Variants in MCTP1 observed in about 807,000 individuals in gnomAD.
MCTP1 encodes the protein multiple C2 and transmembrane domain-containing protein 1.
Under a neutral mutation model 120.6 loss-of-function variants are expected in MCTP1, and 69 were observed. The ratio of observed to expected loss-of-function variants is 0.57; its 90% CI spans 0.47 to 0.70. MCTP1 has a LOEUF of 0.70. Ranked by LOEUF, MCTP1 falls within the 30% of genes least tolerant of loss-of-function variation. The pLI, the probability that MCTP1 is intolerant of heterozygous loss-of-function variation, is 0.00. For missense variants in MCTP1, 1,203 were observed against 1,248.8 expected, an observed-to-expected ratio of 0.96 and a Z score of 0.55; for synonymous variants, 529 against 493.1, an observed-to-expected ratio of 1.07 and a Z score of -0.96.
chr5:94,974,228 T>C (rs577091360), intron 2 of MCTP1, among the ~76,000 whole-genome samples: 3 of 152,280 alleles, frequency 2.0e-5, no homozygotes, highest in Admixed American at 6.5e-5. Context: ...CAGTTACTAA[T>C]TATCTATTTT....
At chr5:95,038,859 C>A (rs1283384473) in intron 1 of MCTP1, among the ~76,000 whole-genome samples, 3 of 152,218 alleles carry the variant, frequency 2.0e-5, no homozygotes, top group African/African-American at 7.2e-5. Context: ...TCTTCCAACA[C>A]CTTCGTAAAA....
At chr5:95,008,800 T>C (rs138573169) in intron 2 of MCTP1, among the ~76,000 whole-genome samples, 1 of 152,124 alleles carries the variant, frequency 6.6e-6, no homozygotes, top group Non-Finnish European at 1.5e-5. Context: ...CATACAAAGA[T>C]GGAGTCAGAG....
chr5:94,810,116 T>C (rs1783117285), intron 17 of MCTP1, among the ~76,000 whole-genome samples: 1 of 152,146 alleles, frequency 6.6e-6, no homozygotes, highest in African/African-American at 2.4e-5. Context: ...TTTAACAAAA[T>C]TGTTAGATTC....
At chr5:95,180,482 T>C (rs534111013) in intron 1 of MCTP1, among the ~76,000 whole-genome samples, 1 of 152,350 alleles carries the variant, frequency 6.6e-6, no homozygotes, top group South Asian at 2.1e-4. Context: ...CTTCTTCACA[T>C]GTTACTAAAA....
chr5:95,241,955 G>T (rs1582635953), intron 1 of MCTP1, among the ~76,000 whole-genome samples: 2 of 152,080 alleles, frequency 1.3e-5, no homozygotes, highest in South Asian at 4.1e-4. Context: ...AATAGGCAAA[G>T]AAAATAAAAA....
intron 1 of MCTP1, among the ~76,000 whole-genome samples, chr5:95,273,411 T>C (rs1378034046): frequency 6.6e-6 from 1 of 152,188 alleles, no homozygotes; most frequent in Non-Finnish European, 1.5e-5. Flanking sequence ...ACTACCTTGA[T>C]TAAGAATGAA....
intron 1 of MCTP1, among the ~76,000 whole-genome samples, chr5:95,096,025 A>G (rs994110558): frequency 2.0e-5 from 3 of 152,214 alleles, no homozygotes. Flanking sequence ...ACTCAGAGTT[A>G]GAACTAAGCT....
chr5:94,711,366 T>G (rs1378153244), intron 20 of MCTP1, among the ~76,000 whole-genome samples: 2 of 152,144 alleles, frequency 1.3e-5, no homozygotes, highest in Non-Finnish European at 2.9e-5. Flanking sequence ...TGCCAGCAAC[T>G]CTTGGTAGAT....
chr5:94,737,316 G>A (rs532267953), intron 19 of MCTP1, among the ~76,000 whole-genome samples: 1 of 152,172 alleles, frequency 6.6e-6, no homozygotes, highest in South Asian at 2.1e-4. Flanking sequence ...GATAATGGTA[G>A]TATCTAACAT....
intron 2 of MCTP1, among the ~76,000 whole-genome samples, chr5:94,960,882 G>A (rs1168002275): frequency 6.6e-6 from 1 of 152,092 alleles, no homozygotes; most frequent in African/African-American, 2.4e-5. Context: ...CAAGAATCTA[G>A]AACTAGAAAT....
At chr5:94,778,696 A>G (rs1775947764) in intron 19 of MCTP1, among the ~76,000 whole-genome samples, 1 of 152,144 alleles carries the variant, frequency 6.6e-6, no homozygotes, top group Non-Finnish European at 1.5e-5. Context: ...CAATTGTTTG[A>G]AAATTACAGA....
chr5:95,122,260 T>A (rs78063415), intron 1 of MCTP1, among the ~76,000 whole-genome samples: 404 of 152,176 alleles, frequency 2.7e-3, no homozygotes, highest in African/African-American at 9.4e-3. Context: ...TGACAAGTGG[T>A]TAATAATCAG....
intron 1 of MCTP1, among the ~76,000 whole-genome samples, chr5:95,126,506 A>G (rs1334862385): frequency 1.3e-5 from 2 of 152,222 alleles, no homozygotes; most frequent in Non-Finnish European, 2.9e-5. Flanking sequence ...AGGTCCACAA[A>G]CATTCCCAAA....
chr5:94,759,336 C>A (rs532262417), intron 19 of MCTP1, among the ~76,000 whole-genome samples: 1 of 152,132 alleles, frequency 6.6e-6, no homozygotes, highest in Non-Finnish European at 1.5e-5. Flanking sequence ...CACAACCCCA[C>A]CAGATGCAGA....
At chr5:94,963,762 T>C (rs1188052064) in intron 2 of MCTP1, among the ~76,000 whole-genome samples, 1 of 152,180 alleles carries the variant, frequency 6.6e-6, no homozygotes, top group South Asian at 2.1e-4. Flanking sequence ...CTTCCATAGA[T>C]TGCTTTTTTA....
rs1455446500 is a variant in MCTP1, at chr5:94,868,152, TAGACTC to T, written c.2436+175_2436+180del. ...AATCTGAGGGGGGAAAATGTATTCT[TAGACTC>T]AGACCTTGTACAATCCATCAGGTTC... On this transcript the variant is annotated intron_variant, in intron 17 of 22. Coordinates refer to ENST00000515393, the MANE Select transcript of MCTP1 (RefSeq NM_024717.7). 6 of 436,516 alleles carry T rather than the reference TAGACTC, an allele frequency of 1.4e-5. No homozygotes were observed. In the South Asian group the frequency reaches 4.3e-4, roughly 31 times the overall value. The allele number at this position is 436,516 out of a possible 1,614,324, so 27.0% of individuals were successfully genotyped here. A position where few individuals can be genotyped will look rare whatever the true frequency, so the allele number is the denominator to read the frequency against.
chr5:94,898,428 G>T (rs1284643434), intron 10 of MCTP1, among the ~76,000 whole-genome samples: 3 of 152,130 alleles, frequency 2.0e-5, no homozygotes, highest in Non-Finnish European at 4.4e-5. Context: ...TGCTGGCGTT[G>T]GCTGAGGAAA....
At chr5:94,888,042 T>C (rs529325275) in intron 12 of MCTP1, among the ~76,000 whole-genome samples, 7 of 137,514 alleles carry the variant, frequency 5.1e-5, no homozygotes, top group Non-Finnish European at 9.3e-5. Context: ...GATAAGTTGA[T>C]ATTTTCTTTC....
chr5:95,144,509 CTTTG>C (rs1760210790), intron 1 of MCTP1, among the ~76,000 whole-genome samples: 2 of 151,818 alleles, frequency 1.3e-5, no homozygotes, highest in Admixed American at 6.6e-5. Flanking sequence ...GTATTTTCGG[CTTTG>C]TTTTTTACAG....
Sources: gnomAD v4.1 joint callset for allele counts (sites outside exome capture counted in the v4.1 genomes callset) on GRCh38, gnomAD v4.1.1 for gene constraint, MANE v1.5 for transcripts, NCBI Gene and HGNC (gene_info 2026-07-23, HGNC 2026-07-21) for gene names.